EFCAB13: variants seen among roughly 807,000 people sequenced by gnomAD.
EFCAB13 encodes the protein EF-hand calcium-binding domain-containing protein 13.
Under a neutral mutation model 110.2 loss-of-function variants are expected in EFCAB13, and 91 were observed. The observed-to-expected ratio is 0.83, with a 90% CI of 0.70 to 0.98. The LOEUF is 0.98. Among genes scored for constraint, EFCAB13 ranks in the 50% least tolerant of loss-of-function variants. The pLI, the probability that EFCAB13 is intolerant of heterozygous loss-of-function variation, is 0.00. For synonymous variants in EFCAB13, 323 were observed against 369.9 expected (o/e 0.87, Z 1.45); for missense variants, 968 against 1,119.4 (o/e 0.86, Z 1.93).
intron 24 of EFCAB13, among the ~76,000 whole-genome samples, chr17:47,432,403 TA>T (rs1353443817): frequency 8.1e-6 from 1 of 122,806 alleles, no homozygotes; most frequent in Non-Finnish European, 1.7e-5. Context: ...ATCTCAAAAA[TA>T]AATAAATAAA....
intron 8 of EFCAB13, among the ~76,000 whole-genome samples, chr17:47,346,836 T>C (rs534272012): frequency 3.0e-4 from 45 of 152,112 alleles, no homozygotes; most frequent in Non-Finnish European, 5.4e-4. Flanking sequence ...TTTGAAGGAG[T>C]TGTTTTCATT....
At chr17:47,384,158 GTT>G (rs1190644566) in intron 14 of EFCAB13, among the ~76,000 whole-genome samples, 1 of 115,296 alleles carries the variant, frequency 8.7e-6, no homozygotes. Context: ...TTTTTTTTTT[GTT>G]TTTTTTTTTT....
chr17:47,328,442 C>A, intron 4 of EFCAB13, 59 bp downstream of exon 4: 1 of 1,344,558 alleles, frequency 7.4e-7, no homozygotes, highest in Non-Finnish European at 1.0e-6. Flanking sequence ...AATTAGTTTA[C>A]ATTACCTCAT....
rs73324432 is a variant in EFCAB13, at chr17:47,366,462, G to A, written c.806-3975G>A. Among the ~76,000 whole-genome samples the A allele has an allele frequency of 8.7e-3, 1,326 of 152,238 alleles. 19 individuals carry two copies. Among genetic ancestry groups the A allele is most frequent in the African/African-American group, 0.031 (1,270 of 41,534 alleles). Reference sequence around the variant, plus strand: ...GAAATGTAGTGTTAATGGTCACTTAGCACCTTCAGAGTAACGTTGCCTTGC... The same window carrying A: ...GAAATGTAGTGTTAATGGTCACTTAACACCTTCAGAGTAACGTTGCCTTGC... On this transcript the variant is annotated intron_variant, in intron 10 of 24. Transcript: ENST00000331493.
intron 10 of EFCAB13, 89 bp downstream of exon 10, chr17:47,361,610 CTTTGCTTCTCCTTTT>C: frequency 9.0e-7 from 1 of 1,116,396 alleles, no homozygotes; most frequent in Non-Finnish European, 1.2e-6. Flanking sequence ...GTGATCTGTC[CTTTGCTTCTCCTTTT>C]TTCTCTTGAT....
At chr17:47,345,464 CCTT>C (rs2065409793) in intron 8 of EFCAB13, among the ~76,000 whole-genome samples, 1 of 152,242 alleles carries the variant, frequency 6.6e-6, no homozygotes, top group South Asian at 2.1e-4. Flanking sequence ...ACCCTTCACT[CCTT>C]CATGACACTG....
chr17:47,400,944 T>C (rs189701976), intron 17 of EFCAB13, among the ~76,000 whole-genome samples: 1 of 152,300 alleles, frequency 6.6e-6, no homozygotes, highest in East Asian at 1.9e-4. Context: ...TGGAAGGCCA[T>C]CCTGAGTATT....
chr17:47,383,126 G>T (rs1476092361), intron 14 of EFCAB13, among the ~76,000 whole-genome samples: 2 of 152,124 alleles, frequency 1.3e-5, no homozygotes, highest in African/African-American at 4.8e-5. Flanking sequence ...GGTCAGTGCT[G>T]ATATCCCCTT....
At chr17:47,422,979 A>G (rs770135996) in intron 23 of EFCAB13, among the ~76,000 whole-genome samples, 2 of 152,240 alleles carry the variant, frequency 1.3e-5, no homozygotes, top group Non-Finnish European at 2.9e-5. Context: ...AAGATTTATA[A>G]CAAAGTTATA....
chr17:47,391,362 TA>T, intron 14 of EFCAB13, 74 bp from the exon 15 acceptor site: 2 of 1,194,458 alleles, frequency 1.7e-6, no homozygotes, highest in African/African-American at 1.6e-5. Flanking sequence ...GTGTTAGAAC[TA>T]AAATTCATCT....
intron 20 of EFCAB13, 55 bp downstream of exon 20, chr17:47,404,688 G>A: frequency 7.3e-7 from 1 of 1,369,768 alleles, no homozygotes; most frequent in Non-Finnish European, 1.0e-6. Flanking sequence ...CTTATTCAAA[G>A]TTCACCTAGT....
chr17:47,346,470 C>T (rs2065417324), intron 8 of EFCAB13, among the ~76,000 whole-genome samples: 1 of 121,432 alleles, frequency 8.2e-6, no homozygotes, highest in Non-Finnish European at 1.6e-5. Context: ...AGGTTGTTTC[C>T]ACAGATATTT....
At chr17:47,419,362 C>T (rs886867729) in intron 23 of EFCAB13, among the ~76,000 whole-genome samples, 6 of 152,118 alleles carry the variant, frequency 3.9e-5, no homozygotes, top group African/African-American at 1.4e-4. Flanking sequence ...GGGGGAGGAT[C>T]GTTTGAGGCC....
intron 10 of EFCAB13, among the ~76,000 whole-genome samples, chr17:47,365,087 T>G (rs138640300): frequency 6.6e-6 from 1 of 152,234 alleles, no homozygotes; most frequent in Non-Finnish European, 1.5e-5. Context: ...TACACTCTTA[T>G]AGCACTATTC....
At chr17:47,355,440 G>C (rs947153888) in intron 9 of EFCAB13, among the ~76,000 whole-genome samples, 1 of 152,126 alleles carries the variant, frequency 6.6e-6, no homozygotes, top group South Asian at 2.1e-4. Context: ...CAAGGCTGGG[G>C]AAGTTTCTCT....
At chr17:47,404,488 T>C in intron 19 of EFCAB13, 74 bp from the exon 20 acceptor site, 1 of 1,119,204 alleles carries the variant, frequency 8.9e-7, no homozygotes, top group Non-Finnish European at 1.3e-6. Context: ...AGTCATATGC[T>C]GATTTTGATA....
chr17:47,342,163 C>G (rs1222956497), intron 6 of EFCAB13, 131 bp downstream of exon 6: 3 of 547,436 alleles, frequency 5.5e-6, no homozygotes, highest in Non-Finnish European at 6.5e-6. Context: ...TCTTGCTTCT[C>G]CTCTTCTGTT....
In EFCAB13 at chr17:47,377,565, C is replaced by T. The variant is rs550014173; in HGVS notation, c.1373-201C>T. ...TATAAATGTTTATAGAATGTTAGGA[C>T]GGTTCTGTGTTTGAGCTGTAAGAGA... On this transcript the variant is annotated intron_variant, in intron 12 of 24. Transcript: ENST00000331493. The T allele has an allele frequency of 1.1e-4, 39 of 355,430 alleles. 1 individual carries two copies. The highest frequency in any genetic ancestry group is 1.5e-3 in the Middle Eastern group (2 of 1,320). The allele number at this position is 355,430 out of a possible 1,614,324, so 22.0% of individuals were successfully genotyped here.
chr17:47,424,361 C>G (rs1043757744), intron 23 of EFCAB13, among the ~76,000 whole-genome samples: 18 of 152,158 alleles, frequency 1.2e-4, no homozygotes, highest in Admixed American at 3.3e-4. Flanking sequence ...GAGAAAAGCA[C>G]GAAGCTGTGG....
Sources: gnomAD v4.1 joint callset for allele counts (sites outside exome capture counted in the v4.1 genomes callset) on GRCh38, gnomAD v4.1.1 for gene constraint, MANE v1.5 for transcripts, NCBI Gene and HGNC (gene_info 2026-07-23, HGNC 2026-07-21) for gene names.